Variants in FKBP15 observed in about 807,000 individuals in gnomAD.
FKBP15 encodes the protein FKBP prolyl isomerase family member 15, also known as FK506-binding protein 15.
In FKBP15, 106 loss-of-function variants were observed where a neutral mutation model predicts 158.1. The ratio of observed to expected loss-of-function variants is 0.67; its 90% confidence interval spans 0.57 to 0.79. The LOEUF (loss-of-function observed/expected upper bound fraction) is 0.79. Among genes scored for constraint, FKBP15 ranks in the 30% least tolerant of loss-of-function variants. The pLI is 0.00. For missense variants in FKBP15, 1,287 were observed against 1,479.1 expected (o/e 0.87, Z 2.13); for synonymous variants, 547 against 548.6 (o/e 1.00, Z 0.04).
At chr9:113,186,109 C>T (rs1830480520) in intron 15 of FKBP15, 140 bp downstream of exon 15, 2 of 628,088 alleles carry the variant, frequency 3.2e-6, no homozygotes, top group Non-Finnish European at 2.8e-6. Flanking sequence ...GTGTGGAATA[C>T]ATATTATATC....
At position 113,183,789 on chromosome 9, in the gene FKBP15, C is replaced by T. The variant is rs1425033749; in HGVS notation, c.1773G>A (p.Gln591=). The T allele has an allele frequency of 1.2e-6, 2 of 1,613,684 alleles. No individual in the cohort carries two copies. The highest frequency in any genetic ancestry group is 2.2e-5 in the South Asian group (2 of 91,064). ...CAATTAGTTCACTAATCTTGTCATT[C>T]TGTTCTTCTATCCGATTGCTCTTTT... ...ILEKSNRIEE[Q]NDKISELIER... is the part of the protein sequence containing the mutation. Residue 591 remains glutamine (Q), a synonymous_variant, in exon 18 of 28, where the codon CAG becomes CAA. Coordinates refer to ENST00000238256, the MANE Select transcript of FKBP15 (RefSeq NM_015258.2).
chr9:113,208,208 G>A (rs574773916), intron 2 of FKBP15, among the ~76,000 whole-genome samples: 15 of 152,134 alleles, frequency 9.9e-5, no homozygotes, highest in African/African-American at 2.7e-4. Flanking sequence ...GTGGTGGCGC[G>A]CACCTGTAGT....
intron 4 of FKBP15, among the ~76,000 whole-genome samples, chr9:113,204,350 A>G (rs10117100): frequency 0.23 from 34,693 of 152,074 alleles, 4,661 homozygotes; most frequent in African/African-American, 0.36. Context: ...TTGCAGGCGT[A>G]AGCCACCGCG....
intron 23 of FKBP15, 124 bp downstream of exon 23, chr9:113,173,329 G>T (rs1830246897): frequency 2.1e-6 from 2 of 939,184 alleles, no homozygotes; most frequent in Non-Finnish European, 3.1e-6. Context: ...AGCTAAACAA[G>T]TGTGGTTTTG....
intron 1 of FKBP15, 50 bp downstream of exon 1, chr9:113,221,141 G>C: frequency 1.3e-6 from 2 of 1,555,154 alleles, no homozygotes; most frequent in Non-Finnish European, 1.7e-6. Flanking sequence ...CCAACAATCC[G>C]CCGGTATCTC....
At position 113,202,518 on chromosome 9, in the gene FKBP15, A is replaced by G; in HGVS notation, c.498+13T>C. On this transcript the variant is annotated intron_variant, in intron 6 of 27. Transcript: ENST00000238256. Reference sequence around the variant, plus strand: ...TATTTTGGCTTTTCACAGGGAGAGTAAGATGTTATCACCTGCTTATTGAAC... The same window carrying G: ...TATTTTGGCTTTTCACAGGGAGAGTGAGATGTTATCACCTGCTTATTGAAC... 1 of 1,550,572 alleles carries G rather than the reference A, an allele frequency of 6.4e-7. No individual in the cohort carries two copies. Among genetic ancestry groups the G allele is most frequent in the Non-Finnish European group, 8.8e-7 (1 of 1,141,326 alleles).
At position 113,198,770 on chromosome 9, in the gene FKBP15, T is replaced by C. The variant is rs1303134018; in HGVS notation, c.717+85A>G. On this transcript the variant is annotated intron_variant, in intron 8 of 27. Coordinates refer to ENST00000238256, the MANE Select transcript of FKBP15 (RefSeq NM_015258.2). This position sits in a 1 kb window ranked among gnomAD's most constrained non-coding sequence, Gnocchi z 5.2. ...TCCGTCTCAAAAAATAAAAATAAAA[T>C]AAAAAAAGGAATTCCACAAAATTTA... The C allele has an allele frequency of 4.1e-6, 4 of 965,492 alleles. No homozygotes were observed. The highest frequency in any genetic ancestry group is 6.1e-6 in the Non-Finnish European group (4 of 652,718). The allele number at this position is 965,492 out of a possible 1,614,324, so 59.8% of individuals were successfully genotyped here.
At chr9:113,203,069 A>AG in intron 4 of FKBP15, 34 bp from the exon 5 acceptor site, 1 of 1,394,100 alleles carries the variant, frequency 7.2e-7, no homozygotes, top group Non-Finnish European at 9.9e-7. Flanking sequence ...GAAAAAAAAA[A>AG]AGAGAGACAG....
At chr9:113,209,833 A>G (rs952185069) in intron 2 of FKBP15, among the ~76,000 whole-genome samples, 11 of 152,320 alleles carry the variant, frequency 7.2e-5, no homozygotes, top group African/African-American at 2.2e-4. Flanking sequence ...GCTCATCACA[A>G]CATTCCATTT....
rs34493639 is a variant in FKBP15 at position 113,175,125 on chromosome 9, A to C, written c.2224-542T>G. ...AAGAGCTAGGGAACATCCTAACTTT[A>C]ATAAAGGTACAGGAAATCAGACATT... On this transcript the variant is annotated intron_variant, in intron 21 of 27. Coordinates refer to ENST00000238256, the MANE Select transcript of FKBP15 (RefSeq NM_015258.2). 2.9e-3 allele frequency among the ~76,000 whole-genome samples: 184 copies of C among 62,466 alleles called. 37 individuals are homozygous for C. In the East Asian group the frequency reaches 0.04, roughly 13 times the overall value. 41.0% of individuals were successfully genotyped at this position (62,466 alleles called of 152,430 possible). A position where few individuals can be genotyped will look rare whatever the true frequency, so the allele number is the denominator to read the frequency against.
chr9:113,180,442 A>C (rs1364128863), intron 19 of FKBP15, among the ~76,000 whole-genome samples: 1 of 150,834 alleles, frequency 6.6e-6, no homozygotes, highest in Non-Finnish European at 1.5e-5. Context: ...GTATAGGTGT[A>C]CTTATAATTT....
chr9:113,220,446 T>G (rs1195634216), intron 1 of FKBP15, among the ~76,000 whole-genome samples: 2 of 152,208 alleles, frequency 1.3e-5, no homozygotes, highest in Non-Finnish European at 2.9e-5. Context: ...CAGGCTGGTA[T>G]ATATTAATAT....
chr9:113,195,575 A>G (rs1265707707), intron 9 of FKBP15, among the ~76,000 whole-genome samples: 1 of 152,212 alleles, frequency 6.6e-6, no homozygotes, highest in Non-Finnish European at 1.5e-5. Context: ...AGGAACAGTT[A>G]GGAAAGCGTC....
Position 113,169,458 on chromosome 9 carries a change from G to A in FKBP15, c.3251C>T (p.Ala1084Val). 1.2e-6 allele frequency: 2 copies of A among 1,614,044 alleles called. No individual in the cohort carries two copies. The highest frequency in any genetic ancestry group is 1.7e-6 in the Non-Finnish European group (2 of 1,179,906). ...GCTTTCTTGTAGTGGGCCATCTGGTGCTACTTCCCTGACACAGACCTTTCC... is the reference window on the plus strand; with the variant it reads ...GCTTTCTTGTAGTGGGCCATCTGGTACTACTTCCCTGACACAGACCTTTCC... Reference protein sequence around the residue: ...PSGKVCVREVAPDGPLQESST... With the variant: ...PSGKVCVREVVPDGPLQESST... Residue 1084 changes from alanine to valine, a missense_variant, in exon 26 of 28, where the codon GCA becomes GTA. Transcript: ENST00000238256.
At position 113,162,195 on chromosome 9, in the gene FKBP15, C is replaced by G. The variant is rs1830024755; in HGVS notation, c.*3883G>C. The G allele has an allele frequency of 7.0e-6, 2 of 285,902 alleles. No individual in the cohort carries two copies. Among genetic ancestry groups the G allele is most frequent in the African/African-American group, 4.6e-5 (2 of 43,368 alleles). 17.7% of individuals were successfully genotyped at this position (285,902 alleles called of 1,614,324 possible). On this transcript the variant is annotated 3_prime_UTR_variant, in exon 28 of 28. Transcript: ENST00000238256. ...CCCAGCCTCACCTGTGCTTAATAAG[C>G]CTGCCCGCTCCATCACTAGCCACCC... is the stretch of plus-strand genomic sequence containing the variant.
At position 113,170,524 on chromosome 9, in the gene FKBP15, T is replaced by G; in HGVS notation, c.2764A>C (p.Lys922Gln). The change falls in exon 25 of 28, where the codon AAG (lysine) becomes CAG (glutamine). Residue 922 changes from lysine to glutamine, a missense_variant and splice_region_variant. Physicochemically the swap from Lys to Gln is moderately conservative, Grantham distance 53. Transcript: ENST00000238256. Reference sequence around the variant, plus strand: ...AAATGACAGCTGGCTGGCTGTACCTTGATCGTATTCATGATGGTTCCCAGA... The same window carrying G: ...AAATGACAGCTGGCTGGCTGTACCTGGATCGTATTCATGATGGTTCCCAGA... ...TILGTIMNTI[K>Q]MVTLQLLNQQ... 6.2e-7 allele frequency: 1 copy of G among 1,607,570 alleles called. No homozygotes were observed. The highest frequency in any genetic ancestry group is 8.5e-7 in the Non-Finnish European group (1 of 1,174,056).
At chr9:113,202,405 G>T in intron 6 of FKBP15, 126 bp downstream of exon 6, 2 of 594,124 alleles carry the variant, frequency 3.4e-6, no homozygotes, top group South Asian at 6.1e-5. Context: ...GGCAAATTTA[G>T]TGGGTTTTTT....
At chr9:113,197,458 A>C (rs1452036524) in intron 8 of FKBP15, among the ~76,000 whole-genome samples, 1 of 152,188 alleles carries the variant, frequency 6.6e-6, no homozygotes, top group Admixed American at 6.5e-5. Flanking sequence ...ACCTGAGGTC[A>C]GGGGTTCGAG....
intron 1 of FKBP15, among the ~76,000 whole-genome samples, chr9:113,216,083 GAAA>G (rs71491081): frequency 2.3e-5 from 2 of 86,014 alleles, no homozygotes; most frequent in Non-Finnish European, 2.2e-5. Flanking sequence ...TTTATTTTGT[GAAA>G]AAAAAAAAAA....
Sources: allele counts gnomAD v4.1 joint callset (sites outside exome capture counted in the v4.1 genomes callset), GRCh38; gene constraint gnomAD v4.1.1; non-coding constraint Gnocchi (gnomAD v3.1); transcripts MANE v1.5; gene names NCBI Gene and HGNC (gene_info 2026-07-23, HGNC 2026-07-21).